ADAMTS10: variants seen among roughly 807,000 people sequenced by gnomAD.
The protein encoded by ADAMTS10 is ADAM metallopeptidase with thrombospondin type 1 motif 10, also known as A disintegrin and metalloproteinase with thrombospondin motifs 10.
In ADAMTS10, 48 loss-of-function variants were observed where a neutral mutation model predicts 135.9. The observed-to-expected ratio is 0.35, with a 90% CI of 0.28 to 0.45. The LOEUF (loss-of-function observed/expected upper bound fraction) is 0.45. Among genes scored for constraint, ADAMTS10 ranks in the 20% least tolerant of loss-of-function variants. The pLI, the probability that ADAMTS10 is intolerant of heterozygous loss-of-function variation, is 1.00. For synonymous variants in ADAMTS10, 621 were observed against 647.5 expected (o/e 0.96, Z 0.62); for missense variants, 1,131 against 1,565.2 (o/e 0.72, Z 4.68).
intron 22 of ADAMTS10, 146 bp downstream of exon 22, chr19:8,585,976 C>T (rs1216174900): frequency 7.2e-7 from 1 of 1,387,412 alleles, no homozygotes; most frequent in Non-Finnish European, 9.9e-7. Flanking sequence ...CCCCATAACT[C>T]CTATAGAACC....
In ADAMTS10 at chr19:8,603,815, G is replaced by A. The variant is rs1321707360; in HGVS notation, c.505C>T (p.Arg169Trp). 7 of 1,614,082 alleles carry A rather than the reference G, an allele frequency of 4.3e-6. No individual in the cohort carries two copies. The highest frequency in any genetic ancestry group is 2.2e-5 in the East Asian group (1 of 44,874). ...EPLHGGPKGS[R>W]SPEESGPHVV... ...TGTGGTCCACTTTCCTCCGGGCTCC[G>A]AGAACCCTTGGGCCCACCGTGCAGG... Residue 169 changes from arginine (R) to tryptophan (W), a missense_variant, in exon 5 of 26, where the codon CGG (arginine) becomes TGG (tryptophan). Transcript: ENST00000597188.
Position 8,596,937 on chromosome 19 carries a change from G to C in ADAMTS10, c.1040+50C>G. Reference sequence around the variant, plus strand: ...TCTGTTTGGACTCTCATGGTTCCCTGGACCATCTGTTTTCTCAGCCCCAGT... The same window carrying C: ...TCTGTTTGGACTCTCATGGTTCCCTCGACCATCTGTTTTCTCAGCCCCAGT... On this transcript the variant is annotated intron_variant, in intron 8 of 25. Transcript: ENST00000597188. The surrounding 1 kb of genome is among the most constrained non-coding windows in gnomAD (Gnocchi z 7.2). 1 of 1,605,342 alleles carries C rather than the reference G, an allele frequency of 6.2e-7. No homozygotes were observed. Among genetic ancestry groups the C allele is most frequent in the East Asian group, 2.2e-5 (1 of 44,866 alleles).
In ADAMTS10 at chr19:8,586,149, G is replaced by A; in HGVS notation, c.2633C>T (p.Ala878Val). The A allele has an allele frequency of 6.2e-7, 1 of 1,613,056 alleles. No individual in the cohort carries two copies. The highest frequency in any genetic ancestry group is 8.5e-7 in the Non-Finnish European group (1 of 1,180,002). ...TGGAGGGCAAGGCTCCGTGTTGCAG[G>A]CGCGCTGCCTTTTGGGCAGCTTGCT... Reference protein sequence around the residue: ...AHSKLPKRQRACNTEPCPPDW... With the variant: ...AHSKLPKRQRVCNTEPCPPDW... The change falls in exon 22 of 26, where the codon GCC (alanine) becomes GTC (valine). Residue 878 changes from alanine to valine, a missense_variant. This residue lies in a region of ADAMTS10 where 745 missense variants were observed against 1,056.3 expected (regional missense o/e 0.71). Transcript: ENST00000597188.
intron 6 of ADAMTS10, 28 bp downstream of exon 6, chr19:8,600,900 G>C: frequency 6.2e-7 from 1 of 1,613,270 alleles, no homozygotes; most frequent in Non-Finnish European, 8.5e-7. Context: ...CCTCAGGGCT[G>C]CGTGCCCAGG....
In ADAMTS10 at chr19:8,596,047, T is replaced by C; in HGVS notation, c.1337+26A>G. On this transcript the variant is annotated intron_variant, in intron 11 of 25. Coordinates refer to ENST00000597188, the MANE Select transcript of ADAMTS10 (RefSeq NM_030957.4). This position sits in a 1 kb window ranked among gnomAD's most constrained non-coding sequence, Gnocchi z 7.2. ...GCCCCACCATGAGTGTGACCCGCTC[T>C]GAGGGACACCCAGGTGCATCCTCAC... 6.2e-7 allele frequency: 1 copy of C among 1,614,140 alleles called. No homozygotes were observed. Among genetic ancestry groups the C allele is most frequent in the Non-Finnish European group, 8.5e-7 (1 of 1,179,982 alleles).
rs782712334 is a variant in ADAMTS10 at position 8,589,909 on chromosome 19, T to G, written c.1880A>C (p.Lys627Thr). 20 of 1,613,938 alleles carry G rather than the reference T, an allele frequency of 1.2e-5. No individual in the cohort carries two copies. The highest frequency in any genetic ancestry group is 5.0e-5 in the Admixed American group (3 of 59,994). Residue 627 changes from lysine to threonine, a missense_variant, in exon 16 of 26, where the codon AAG becomes ACG. Transcript: ENST00000597188. Reference protein sequence around the residue: ...DSIPFRGKFYKWKTYRGGGVK... With the variant: ...DSIPFRGKFYTWKTYRGGGVK... ...CTCACCTCCCCGGTACGTTTTCCAC[T>G]TGTAGAATTTCCCACGGAAAGGGAT... is the stretch of plus-strand genomic sequence containing the variant.
intron 25 of ADAMTS10, chr19:8,581,361 G>A (rs1555735815): frequency 5.9e-6 from 1 of 168,538 alleles, no homozygotes; most frequent in African/African-American, 2.4e-5. Flanking sequence ...TTAAGAGAGA[G>A]AGTGTAGGGT....
chr19:8,602,886 C>G (rs749331688), intron 5 of ADAMTS10, among the ~76,000 whole-genome samples: 2 of 152,166 alleles, frequency 1.3e-5, no homozygotes, highest in Non-Finnish European at 1.5e-5. Context: ...CTCAACTTCA[C>G]AAAGTGCTAG....
chr19:8,598,900 C>T (rs1452929198), intron 6 of ADAMTS10, among the ~76,000 whole-genome samples: 1 of 151,490 alleles, frequency 6.6e-6, no homozygotes, highest in Non-Finnish European at 1.5e-5. Flanking sequence ...ATTCTGAAAG[C>T]CCTAGGGAGA....
At chr19:8,602,982 C>G (rs2042682649) in intron 5 of ADAMTS10, among the ~76,000 whole-genome samples, 1 of 152,178 alleles carries the variant, frequency 6.6e-6, no homozygotes, top group Admixed American at 6.5e-5. Context: ...TGGTGTATAG[C>G]TTTCCTTCTC....
rs782085654 is a variant in ADAMTS10, at chr19:8,589,899, C to A, written c.1890G>T (p.Thr630=). ...PFRGKFYKWK[T]YRGGGVKACS... ...GAGTCCCACACTCACCTCCCCGGTA[C>A]GTTTTCCACTTGTAGAATTTCCCAC... Residue 630 remains threonine, a synonymous_variant, in exon 16 of 26, where the codon ACG becomes ACT. Coordinates refer to ENST00000597188, the MANE Select transcript of ADAMTS10 (RefSeq NM_030957.4). The A allele has an allele frequency of 6.2e-7, 1 of 1,613,706 alleles. No homozygotes were observed. The highest frequency in any genetic ancestry group is 1.7e-5 in the Admixed American group (1 of 59,992).
chr19:8,595,615 C>T lies in ADAMTS10; in HGVS notation c.1479+147G>A, dbSNP rs536587817. ...TGCACACTCCATGCACCTCTGTCCTCCCAGGTCACCATGGGGGCTCACCTC... is the reference window on the plus strand; with the variant it reads ...TGCACACTCCATGCACCTCTGTCCTTCCAGGTCACCATGGGGGCTCACCTC... On this transcript the variant is annotated intron_variant, in intron 12 of 25. Coordinates refer to ENST00000597188, the MANE Select transcript of ADAMTS10 (RefSeq NM_030957.4). 1,001 of 1,296,316 alleles carry T rather than the reference C, an allele frequency of 7.7e-4. 3 individuals carry two copies. Among genetic ancestry groups the T allele is most frequent in the Middle Eastern group, 2.0e-3 (8 of 3,906 alleles). 80.3% of individuals were successfully genotyped at this position (1,296,316 alleles called of 1,614,324 possible). A position where few individuals can be genotyped will look rare whatever the true frequency, so the allele number is the denominator to read the frequency against.
chr19:8,591,683 G>C (rs1253005194), intron 15 of ADAMTS10, 117 bp downstream of exon 15: 2 of 1,219,028 alleles, frequency 1.6e-6, no homozygotes, highest in South Asian at 2.6e-5. Flanking sequence ...CTCGTGATCC[G>C]CCTGCCTTGG....
intron 15 of ADAMTS10, among the ~76,000 whole-genome samples, chr19:8,590,932 G>A (rs1040964257): frequency 8.5e-5 from 13 of 152,194 alleles, no homozygotes; most frequent in Non-Finnish European, 1.8e-4. Flanking sequence ...GTCTGGAAGG[G>A]ATCAGGGTTT....
At chr19:8,589,727 C>T (rs924640777) in intron 16 of ADAMTS10, 142 bp from the exon 17 acceptor site, 36 of 1,446,812 alleles carry the variant, frequency 2.5e-5, no homozygotes, top group Non-Finnish European at 2.9e-5. Context: ...GGGCTCCCAG[C>T]GTCACGTTGA....
At position 8,596,634 on chromosome 19, in the gene ADAMTS10, C is replaced by T. The variant is rs782395078; in HGVS notation, c.1041-49G>A. 2.5e-6 allele frequency: 4 copies of T among 1,602,758 alleles called. No homozygotes were observed. Among genetic ancestry groups the T allele is most frequent in the Non-Finnish European group, 3.4e-6 (4 of 1,174,046 alleles). On this transcript the variant is annotated intron_variant, in intron 8 of 25. Coordinates refer to ENST00000597188, the MANE Select transcript of ADAMTS10 (RefSeq NM_030957.4). This position sits in a 1 kb window ranked among gnomAD's most constrained non-coding sequence, Gnocchi z 7.2. Reference sequence around the variant, plus strand: ...GAGGGGGCTGGGCTGTCTCCCTAAGCCCTGCTGATGCCACCATGCCCAGCT... The same window carrying T: ...GAGGGGGCTGGGCTGTCTCCCTAAGTCCTGCTGATGCCACCATGCCCAGCT...
intron 21 of ADAMTS10, 42 bp from the exon 22 acceptor site, chr19:8,586,293 C>T: frequency 6.2e-7 from 1 of 1,613,380 alleles, no homozygotes; most frequent in Non-Finnish European, 8.5e-7. Flanking sequence ...CCTCCCGGCC[C>T]AGAGAACCTC....
At chr19:8,593,913 A>T (rs959312756) in intron 12 of ADAMTS10, among the ~76,000 whole-genome samples, 13 of 152,156 alleles carry the variant, frequency 8.5e-5, no homozygotes, top group African/African-American at 3.1e-4. Context: ...ACAGGAAAGG[A>T]CCCTTCCTAG....
chr19:8,604,963 T>C, intron 4 of ADAMTS10, 49 bp downstream of exon 4: 1 of 1,538,560 alleles, frequency 6.5e-7, no homozygotes, highest in Non-Finnish European at 8.8e-7. Context: ...TTTTCTTAAC[T>C]TCCAAACTTA....
Sources: gnomAD v4.1 joint callset for allele counts (sites outside exome capture counted in the v4.1 genomes callset) on GRCh38, gnomAD v4.1.1 for gene constraint, gnomAD v4.1.1 regional missense constraint, Gnocchi (gnomAD v3.1) non-coding constraint, MANE v1.5 for transcripts, NCBI Gene and HGNC (gene_info 2026-07-23, HGNC 2026-07-21) for gene names.